The following CENPO variants were observed in gnomAD, a reference collection of about 807,000 sequenced individuals.
The protein encoded by CENPO is centromere protein O.
Under a neutral mutation model 36.1 loss-of-function variants are expected in CENPO, and 30 were observed. The observed-to-expected ratio is 0.83, with a 90% CI of 0.62 to 1.13. The LOEUF (loss-of-function observed/expected upper bound fraction) is 1.13. Among genes scored for constraint, CENPO ranks in the 50% most tolerant of loss-of-function variants. CENPO has a pLI of 0.00. For missense variants in CENPO, 349 were observed against 357.8 expected, an observed-to-expected ratio of 0.98 and a Z score of 0.20; for synonymous variants, 171 against 142.3, an observed-to-expected ratio of 1.20 and a Z score of -1.44.
chr2:24,820,439 C>T lies in CENPO; in HGVS notation c.*1121C>T. 1 of 1,322,088 alleles carries T rather than the reference C, an allele frequency of 7.6e-7. No individual in the cohort carries two copies. Among genetic ancestry groups the T allele is most frequent in the Non-Finnish European group, 9.6e-7 (1 of 1,038,608 alleles). 81.9% of individuals were successfully genotyped at this position (1,322,088 alleles called of 1,614,324 possible). A position where few individuals can be genotyped will look rare whatever the true frequency, so the allele number is the denominator to read the frequency against. ...CCTTTGCCCCTTTCGTGGAGCTTTT[C>T]TGCCAGACGCCACTGAGACAGATCA... On this transcript the variant is annotated 3_prime_UTR_variant, in exon 8 of 8. Transcript: ENST00000380834.
chr2:24,815,390 G>A (rs879523023), intron 4 of CENPO, 107 bp from the exon 5 acceptor site: 18 of 815,906 alleles, frequency 2.2e-5, no homozygotes, highest in Non-Finnish European at 2.3e-5. Context: ...AAACATTTGT[G>A]TACAAAGTGT....
At chr2:24,813,660 C>T (rs1293138392) in intron 3 of CENPO, among the ~76,000 whole-genome samples, 2 of 152,134 alleles carry the variant, frequency 1.3e-5, no homozygotes, top group Admixed American at 6.5e-5. Flanking sequence ...AATCTTGGCC[C>T]GTAGAAAGTC....
At position 24,820,037 on chromosome 2, in the gene CENPO, C is replaced by A. The variant is rs747917335; in HGVS notation, c.*719C>A. The A allele has an allele frequency of 6.2e-7, 1 of 1,608,612 alleles. No homozygotes were observed. The highest frequency in any genetic ancestry group is 1.7e-5 in the Admixed American group (1 of 58,968). On this transcript the variant is annotated 3_prime_UTR_variant, in exon 8 of 8. Transcript: ENST00000380834. The stretch of plus-strand genomic sequence containing the variant: ...AGAAGAAGGTCAGCAGCTCCCCCTT[C>A]CCCTTCACAAAGATGGGGCCTCGCC...
At chr2:24,810,842 A>G (rs560811622) in intron 3 of CENPO, among the ~76,000 whole-genome samples, 39 of 152,080 alleles carry the variant, frequency 2.6e-4, no homozygotes, top group African/African-American at 8.7e-4. Flanking sequence ...TCTGCTTCCA[A>G]TCTTTAAATG....
At chr2:24,808,300 C>G (rs1666517127) in intron 3 of CENPO, among the ~76,000 whole-genome samples, 1 of 152,156 alleles carries the variant, frequency 6.6e-6, no homozygotes, top group African/African-American at 2.4e-5. Context: ...CCTCCACCTC[C>G]TGGGTTCAAG....
chr2:24,793,869 C>T lies in CENPO; in HGVS notation c.-51C>T, dbSNP rs1427340661. On this transcript the variant is annotated 5_prime_UTR_variant, in exon 2 of 8. Coordinates refer to ENST00000380834, the MANE Select transcript of CENPO (RefSeq NM_001322101.2). ...TTTATTAGCAAGGACATTGGAGTCC[C>T]TATCACCGGTTGCCTAGACAACTTC... 4 of 1,613,770 alleles carry T rather than the reference C, an allele frequency of 2.5e-6. No individual in the cohort carries two copies. In the African/African-American group the frequency reaches 4.0e-5, roughly 16 times the overall value.
rs541665903 is a variant in CENPO at position 24,820,123 on chromosome 2, G to A, written c.*805G>A. On this transcript the variant is annotated 3_prime_UTR_variant, in exon 8 of 8. Transcript: ENST00000380834. ...TGGGTTTCTTCTACCACCTGGAGAG[G>A]GAGGGGGAGCAAGAACGTGGCGTTA... is the stretch of plus-strand genomic sequence containing the variant. 7.2e-6 allele frequency: 11 copies of A among 1,534,604 alleles called. No homozygotes were observed. The highest frequency in any genetic ancestry group is 4.2e-5 in the African/African-American group (3 of 72,038).
At chr2:24,795,850 A>T (rs953012640) in intron 2 of CENPO, among the ~76,000 whole-genome samples, 1 of 152,220 alleles carries the variant, frequency 6.6e-6, no homozygotes, top group African/African-American at 2.4e-5. Context: ...TCCTTGGTCC[A>T]TAGTAAATTC....
chr2:24,810,625 A>T (rs1368750296), intron 3 of CENPO, among the ~76,000 whole-genome samples: 2 of 149,448 alleles, frequency 1.3e-5, no homozygotes, highest in Non-Finnish European at 3.0e-5. Context: ...CTCGTGCCTC[A>T]GCCTCCCAAG....
chr2:24,806,122 C>G (rs370845846), intron 3 of CENPO, among the ~76,000 whole-genome samples: 26 of 152,350 alleles, frequency 1.7e-4, no homozygotes, highest in East Asian at 1.5e-3. Context: ...CCCTCTGAGC[C>G]AGGCGCGGGA....
chr2:24,821,128 T>A lies in CENPO; in HGVS notation c.*1810T>A. 2 of 455,574 alleles carry A rather than the reference T, an allele frequency of 4.4e-6. No individual in the cohort carries two copies. The highest frequency in any genetic ancestry group is 7.8e-6 in the Non-Finnish European group (2 of 255,888). 28.2% of individuals were successfully genotyped at this position (455,574 alleles called of 1,614,324 possible). Reference sequence around the variant, plus strand: ...CTGGTATTTCAAGTCTCCTGGGACCTCACTCAGGAATGATACCCCCTCAGT... The same window carrying A: ...CTGGTATTTCAAGTCTCCTGGGACCACACTCAGGAATGATACCCCCTCAGT... On this transcript the variant is annotated 3_prime_UTR_variant, in exon 8 of 8. Coordinates refer to ENST00000380834, the MANE Select transcript of CENPO (RefSeq NM_001322101.2).
At position 24,822,255 on chromosome 2, in the gene CENPO, T is replaced by A. The variant is rs1200842383; in HGVS notation, c.*2937T>A. 1.3e-5 allele frequency: 5 copies of A among 387,378 alleles called. No homozygotes were observed. Among genetic ancestry groups the A allele is most frequent in the Non-Finnish European group, 2.3e-5 (5 of 214,548 alleles). 24.0% of individuals were successfully genotyped at this position (387,378 alleles called of 1,614,324 possible). On this transcript the variant is annotated 3_prime_UTR_variant, in exon 8 of 8. Transcript: ENST00000380834. The stretch of plus-strand genomic sequence containing the variant: ...CAGTTCCTATGAAAGCACAGAGCCT[T>A]AGGGGGCCTGGCCACAGAACACAAC...
chr2:24,816,882 T>C (rs1666959139), intron 6 of CENPO, 65 bp downstream of exon 6: 4 of 1,466,202 alleles, frequency 2.7e-6, no homozygotes, highest in African/African-American at 1.4e-5. Context: ...ACAGGGAAAA[T>C]AGGTAGAATC....
intron 2 of CENPO, among the ~76,000 whole-genome samples, chr2:24,797,646 A>G (rs1665967710): frequency 6.6e-6 from 1 of 152,238 alleles, no homozygotes; most frequent in Non-Finnish European, 1.5e-5. Flanking sequence ...CTATGTTCCC[A>G]GTGCCTGAAA....
chr2:24,821,358 G>A lies in CENPO; in HGVS notation c.*2040G>A, dbSNP rs1667679814. ...TTGGTTTAGTCATCTAGAGTCGTCTGGACTAAAGGTCTTTCAGGTCTCCTT... is the reference window on the plus strand; with the variant it reads ...TTGGTTTAGTCATCTAGAGTCGTCTAGACTAAAGGTCTTTCAGGTCTCCTT... On this transcript the variant is annotated 3_prime_UTR_variant, in exon 8 of 8. Coordinates refer to ENST00000380834, the MANE Select transcript of CENPO (RefSeq NM_001322101.2). The A allele has an allele frequency of 3.7e-6, 4 of 1,073,202 alleles. No homozygotes were observed. In the South Asian group the frequency reaches 6.2e-5, roughly 17 times the overall value. 66.5% of individuals were successfully genotyped at this position (1,073,202 alleles called of 1,614,324 possible). A position where few individuals can be genotyped will look rare whatever the true frequency, so the allele number is the denominator to read the frequency against.
At chr2:24,802,282 A>G (rs1666196308) in intron 3 of CENPO, among the ~76,000 whole-genome samples, 1 of 152,070 alleles carries the variant, frequency 6.6e-6, no homozygotes, top group Admixed American at 6.6e-5. Flanking sequence ...AACAGGGACA[A>G]TTTGACTTCC....
At chr2:24,804,678 G>A (rs1666303354) in intron 3 of CENPO, among the ~76,000 whole-genome samples, 1 of 152,220 alleles carries the variant, frequency 6.6e-6, no homozygotes, top group African/African-American at 2.4e-5. Context: ...GACTTGTAGA[G>A]TTTGTGCCGA....
rs759286260 is a variant in CENPO, at chr2:24,817,694, G to C, written c.791G>C (p.Trp264Ser). The C allele has an allele frequency of 1.8e-5, 29 of 1,614,098 alleles. No individual in the cohort carries two copies. Among genetic ancestry groups the C allele is most frequent in the Admixed American group, 1.7e-5 (1 of 60,008 alleles). ...CQGVEVLSTS[W>S]EEQRASHETL... Reference sequence around the variant, plus strand: ...GGAGTGGAAGTATTATCCACTTCATGGGAGGAGCAACGAGCATCTCATGAA... The same window carrying C: ...GGAGTGGAAGTATTATCCACTTCATCGGAGGAGCAACGAGCATCTCATGAA... The change falls in exon 7 of 8, where the codon TGG (tryptophan) becomes TCG (serine). Residue 264 changes from tryptophan (W) to serine (S), a missense_variant. By Grantham distance (177) the Trp-to-Ser change is radical (BLOSUM62 -3). Coordinates refer to ENST00000380834, the MANE Select transcript of CENPO (RefSeq NM_001322101.2).
chr2:24,805,930 T>C (rs1019796415), intron 3 of CENPO, among the ~76,000 whole-genome samples: 1 of 152,238 alleles, frequency 6.6e-6, no homozygotes, highest in African/African-American at 2.4e-5. Flanking sequence ...AGGTGGAGTC[T>C]ACAGAGGCAG....
Sources: allele counts gnomAD v4.1 joint callset (sites outside exome capture counted in the v4.1 genomes callset), GRCh38; gene constraint gnomAD v4.1.1; transcripts MANE v1.5; gene names NCBI Gene and HGNC (gene_info 2026-07-23, HGNC 2026-07-21).